Variants in ATP10A observed in about 807,000 individuals in gnomAD.
ATP10A encodes the protein ATPase phospholipid transporting 10A (putative), also known as phospholipid-transporting ATPase VA.
A neutral mutation model predicts 147.8 loss-of-function variants in ATP10A; 111 were observed. That is an observed-to-expected ratio of 0.75 (90% CI 0.64 to 0.88). ATP10A has a LOEUF of 0.88. ATP10A is among the 40% of genes least tolerant of loss of function. ATP10A has a pLI of 0.00. For missense variants in ATP10A, 1,927 were observed against 1,959.0 expected (o/e 0.98, Z 0.31); for synonymous variants, 875 against 841.6 (o/e 1.04, Z -0.69).
intron 1 of ATP10A, among the ~76,000 whole-genome samples, chr15:25,822,701 C>A (rs540224692): frequency 2.6e-5 from 4 of 152,288 alleles, no homozygotes; most frequent in Admixed American, 2.6e-4. Flanking sequence ...ACATACAGAA[C>A]CTGCTGCTTA....
chr15:25,768,683 A>ATT (rs143608940), intron 2 of ATP10A, among the ~76,000 whole-genome samples: 1,716 of 89,452 alleles, frequency 0.019, 12 homozygotes, highest in African/African-American at 0.029. Flanking sequence ...AGCTGGGCTA[A>ATT]TTTTTTTTTT....
intron 7 of ATP10A, among the ~76,000 whole-genome samples, chr15:25,718,665 GA>G (rs929639872): frequency 2.5e-4 from 38 of 152,304 alleles, no homozygotes; most frequent in African/African-American, 8.4e-4. Context: ...CAACTTAGGG[GA>G]AGGGGAACGG....
At chr15:25,817,154 C>T (rs1891696514) in intron 1 of ATP10A, among the ~76,000 whole-genome samples, 1 of 152,140 alleles carries the variant, frequency 6.6e-6, no homozygotes, top group Non-Finnish European at 1.5e-5. Flanking sequence ...GCAATCTTGG[C>T]TCACTGCAAC....
rs79922794 is a variant in ATP10A at position 25,750,641 on chromosome 15, T to C, written c.655-14500A>G. 4.8e-3 allele frequency among the ~76,000 whole-genome samples: 731 copies of C among 152,184 alleles called. 3 individuals are homozygous for C. The highest frequency in any genetic ancestry group is 0.017 in the African/African-American group (695 of 41,540). ...GTAAGTAAGACTTTTTCTTATTACATAAATCTCTGTAATATATAAGCAAAA... is the reference window on the plus strand; with the variant it reads ...GTAAGTAAGACTTTTTCTTATTACACAAATCTCTGTAATATATAAGCAAAA... On this transcript the variant is annotated intron_variant, in intron 2 of 20. Transcript: ENST00000555815.
intron 2 of ATP10A, among the ~76,000 whole-genome samples, chr15:25,744,093 G>C (rs920250687): frequency 2.6e-5 from 4 of 152,054 alleles, no homozygotes; most frequent in African/African-American, 9.7e-5. Context: ...AGGAAGAACG[G>C]CATCACAGAG....
rs367954005 is a variant in ATP10A, at chr15:25,842,197, G to C, written c.449+20451C>G. Among the ~76,000 whole-genome samples, 98 of 152,278 alleles carry C rather than the reference G, an allele frequency of 6.4e-4. 2 individuals carry two copies. In the East Asian group the frequency reaches 0.016, roughly 24 times the overall value. On this transcript the variant is annotated intron_variant, in intron 1 of 20. Coordinates refer to ENST00000555815, the MANE Select transcript of ATP10A (RefSeq NM_024490.4). The stretch of plus-strand genomic sequence containing the variant: ...TGGAGCGGGCCTTGGGCTCCCACTA[G>C]GTCTCACTGAGCTTCCCCTTTGGCC...
chr15:25,780,681 C>T (rs1889874561), intron 2 of ATP10A, among the ~76,000 whole-genome samples: 1 of 152,190 alleles, frequency 6.6e-6, no homozygotes, highest in Admixed American at 6.5e-5. Flanking sequence ...TGCTGCGTTG[C>T]CATTTAGTAA....
chr15:25,772,363 T>C (rs1889382641), intron 2 of ATP10A, among the ~76,000 whole-genome samples: 1 of 152,282 alleles, frequency 6.6e-6, no homozygotes, highest in African/African-American at 2.4e-5. Flanking sequence ...AACCCGACTT[T>C]GCACCCAAAA....
chr15:25,735,002 GC>G, intron 3 of ATP10A, among the ~76,000 whole-genome samples: 2 of 43,206 alleles, frequency 4.6e-5, no homozygotes, highest in Non-Finnish European at 1.0e-4. Flanking sequence ...CGTGGTGGGA[GC>G]GGGGGGGGGG....
Position 25,855,025 on chromosome 15 carries a change from C to T in ATP10A, c.449+7623G>A, listed in dbSNP as rs146106066. ...AGTGAGCTGAGATCGCCCCATTGCA[C>T]TCCAGCCTGGGCAACAAGAGTGAAA... On this transcript the variant is annotated intron_variant, in intron 1 of 20. Transcript: ENST00000555815. 7.9e-3 allele frequency among the ~76,000 whole-genome samples: 1,179 copies of T among 149,562 alleles called. 4 individuals are homozygous for T. The highest frequency in any genetic ancestry group is 0.021 in the Middle Eastern group (6 of 288).
At chr15:25,744,193 T>G (rs573461721) in intron 2 of ATP10A, among the ~76,000 whole-genome samples, 14 of 152,268 alleles carry the variant, frequency 9.2e-5, no homozygotes, top group Admixed American at 2.6e-4. Context: ...GAGCTCCTTT[T>G]GTGCAGCTGC....
In ATP10A at chr15:25,683,275, G is replaced by A; in HGVS notation, c.3492+11C>T. The A allele has an allele frequency of 6.2e-7, 1 of 1,612,354 alleles. No homozygotes were observed. Among genetic ancestry groups the A allele is most frequent in the Non-Finnish European group, 8.5e-7 (1 of 1,179,502 alleles). ...CAGGAGGTGGAAGGCGGAGACTCGGGGGAGCTTTACCTCCATGTTCTGGCC... is the reference window on the plus strand; with the variant it reads ...CAGGAGGTGGAAGGCGGAGACTCGGAGGAGCTTTACCTCCATGTTCTGGCC... On this transcript the variant is annotated intron_variant, in intron 17 of 20. Coordinates refer to ENST00000555815, the MANE Select transcript of ATP10A (RefSeq NM_024490.4).
Position 25,679,907 on chromosome 15 carries a change from TG to T in ATP10A, c.3933del (p.Arg1312GlyfsTer64). The T allele has an allele frequency of 6.2e-7, 1 of 1,610,398 alleles. No individual in the cohort carries two copies. Among genetic ancestry groups the T allele is most frequent in the Non-Finnish European group, 8.5e-7 (1 of 1,178,970 alleles). On this transcript the variant is annotated frameshift_variant, in exon 21 of 21. Coordinates refer to ENST00000555815, the MANE Select transcript of ATP10A (RefSeq NM_024490.4). LOFTEE classifies it high-confidence loss of function. ...PTQLQLARQL[T>X]RKSPRRCSAP... ...GCACTGCATCTCCTGGGGGACTTCC[TG>T]GTCAACTGACGTGCCAGCTGAAGTT...
In ATP10A at chr15:25,680,441, C is replaced by T. The variant is rs537667777; in HGVS notation, c.3679-133G>A. The T allele has an allele frequency of 2.3e-4, 227 of 970,872 alleles. 3 individuals are homozygous for T. Among genetic ancestry groups the T allele is most frequent in the Admixed American group, 1.7e-3 (72 of 41,294 alleles). 60.1% of individuals were successfully genotyped at this position (970,872 alleles called of 1,614,324 possible). A position where few individuals can be genotyped will look rare whatever the true frequency, so the allele number is the denominator to read the frequency against. On this transcript the variant is annotated intron_variant, in intron 19 of 20. Transcript: ENST00000555815. ...CCTTCAGACACACTGCGGTCTATGACGCGGGTAACCGGTGGGGCTCAATGA... is the reference window on the plus strand; with the variant it reads ...CCTTCAGACACACTGCGGTCTATGATGCGGGTAACCGGTGGGGCTCAATGA...
intron 1 of ATP10A, among the ~76,000 whole-genome samples, chr15:25,796,546 G>A (rs972887766): frequency 2.0e-5 from 3 of 152,246 alleles, no homozygotes; most frequent in African/African-American, 4.8e-5. Context: ...AGAAGCCTCC[G>A]TTCATGCACA....
chr15:25,734,227 C>G (rs550591618), intron 3 of ATP10A, among the ~76,000 whole-genome samples: 2 of 152,356 alleles, frequency 1.3e-5, no homozygotes, highest in African/African-American at 4.8e-5. Flanking sequence ...TCTGTGGATC[C>G]AGCAGGCTGC....
chr15:25,760,194 A>G (rs1291946979), intron 2 of ATP10A, among the ~76,000 whole-genome samples: 1 of 152,202 alleles, frequency 6.6e-6, no homozygotes, highest in Non-Finnish European at 1.5e-5. Flanking sequence ...GGAACTTCTA[A>G]AAGGAACTGT....
Position 25,843,246 on chromosome 15 carries a change from C to T in ATP10A, c.449+19402G>A, listed in dbSNP as rs1297615633. ...CCCCCACCCCCCACCCCCACCGTCC[C>T]GGGGTGTGATCTCGGCACTCCACCT... On this transcript the variant is annotated intron_variant, in intron 1 of 20. Coordinates refer to ENST00000555815, the MANE Select transcript of ATP10A (RefSeq NM_024490.4). 4.0e-5 allele frequency among the ~76,000 whole-genome samples: 6 copies of T among 149,522 alleles called. No individual in the cohort carries two copies. In the East Asian group the frequency reaches 8.1e-4, roughly 20 times the overall value.
chr15:25,831,563 C>T (rs1892358615), intron 1 of ATP10A, among the ~76,000 whole-genome samples: 1 of 152,130 alleles, frequency 6.6e-6, no homozygotes, highest in African/African-American at 2.4e-5. Flanking sequence ...TTCACAGATT[C>T]AGCTAAATAC....
Sources: gnomAD v4.1 joint callset for allele counts (sites outside exome capture counted in the v4.1 genomes callset) on GRCh38, gnomAD v4.1.1 for gene constraint, MANE v1.5 for transcripts, NCBI Gene and HGNC (gene_info 2026-07-23, HGNC 2026-07-21) for gene names.